The following ELFN2 variants were observed in gnomAD, a reference collection of about 807,000 sequenced individuals.
The protein encoded by ELFN2 is extracellular leucine rich repeat and fibronectin type III domain containing 2, also known as protein phosphatase 1 regulatory subunit 29.
ELFN2 carries 17 observed loss-of-function variants against 45.5 expected under a neutral mutation model. The ratio of observed to expected loss-of-function variants is 0.37; its 90% CI spans 0.26 to 0.56. ELFN2 has a LOEUF of 0.56. ELFN2 is among the 20% of genes least tolerant of loss of function. The pLI, the probability that ELFN2 is intolerant of heterozygous loss-of-function variation, is 0.77. For missense variants in ELFN2, 922 were observed against 1,183.2 expected, an observed-to-expected ratio of 0.78 and a Z score of 3.24; for synonymous variants, 550 against 551.5, an observed-to-expected ratio of 1.00 and a Z score of 0.04.
chr22:37,375,988 A>T lies in ELFN2; in HGVS notation c.-454T>A, dbSNP rs976256769. The T allele has an allele frequency of 5.2e-6, 1 of 191,168 alleles. No homozygotes were observed. The highest frequency in any genetic ancestry group is 5.9e-5 in the Admixed American group (1 of 17,090). The allele number at this position is 191,168 out of a possible 1,614,324, so 11.8% of individuals were successfully genotyped here. On this transcript the variant is annotated 5_prime_UTR_variant, in exon 3 of 3. Coordinates refer to ENST00000402918, the MANE Select transcript of ELFN2 (RefSeq NM_052906.5). ...GGCAGGAAGGAAGAGACCCATCTGC[A>T]CCTGGTTCCTGAAAGGCAGCATCGA...
chr22:37,373,013 C>T lies in ELFN2; in HGVS notation c.*59G>A. On this transcript the variant is annotated 3_prime_UTR_variant, in exon 3 of 3. Transcript: ENST00000402918. ...GCTCCCCGCCCTGGCCGCCTGGACC[C>T]TTCCCCCAAAAGGCCCCCAGCCCTC... 1 of 1,525,474 alleles carries T rather than the reference C, an allele frequency of 6.6e-7. No homozygotes were observed. Among genetic ancestry groups the T allele is most frequent in the Non-Finnish European group, 8.8e-7 (1 of 1,138,116 alleles). The allele number at this position is 1,525,474 out of a possible 1,614,324, so 94.5% of individuals were successfully genotyped here.
intron 2 of ELFN2, among the ~76,000 whole-genome samples, chr22:37,385,467 C>G (rs1396322133): frequency 6.6e-6 from 1 of 152,198 alleles, no homozygotes; most frequent in Non-Finnish European, 1.5e-5. Context: ...TTCAAAAATC[C>G]TCATTTCTGG....
intron 2 of ELFN2, among the ~76,000 whole-genome samples, chr22:37,402,086 C>A (rs1381561520): frequency 1.3e-5 from 2 of 152,224 alleles, no homozygotes; most frequent in Non-Finnish European, 2.9e-5. Flanking sequence ...ATTGCCTCAT[C>A]TATGAAGTAG....
chr22:37,381,940 AGT>A (rs1192961924), intron 2 of ELFN2, among the ~76,000 whole-genome samples: 1 of 108,222 alleles, frequency 9.2e-6, no homozygotes, highest in African/African-American at 3.7e-5. Flanking sequence ...TGGGCGACAG[AGT>A]GAGACTCCGT....
intron 1 of ELFN2, among the ~76,000 whole-genome samples, chr22:37,346,194 T>C (rs892655936): frequency 3.9e-5 from 6 of 152,224 alleles, no homozygotes; most frequent in Admixed American, 3.9e-4. Flanking sequence ...GGGTTTATAG[T>C]TGAAACTCTA....
chr22:37,394,124 AC>A (rs1252564125), intron 2 of ELFN2, among the ~76,000 whole-genome samples: 19 of 152,044 alleles, frequency 1.2e-4, no homozygotes, highest in African/African-American at 4.3e-4. Context: ...TGGGCCCCTT[AC>A]TGAAACTCTC....
intron 2 of ELFN2, among the ~76,000 whole-genome samples, chr22:37,398,553 C>A (rs1932279161): frequency 6.6e-6 from 1 of 151,930 alleles, no homozygotes; most frequent in Admixed American, 6.6e-5. Context: ...CTCAGCCCAT[C>A]CTCTGCACAG....
intron 1 of ELFN2, among the ~76,000 whole-genome samples, chr22:37,349,048 C>T (rs1430857357): frequency 1.3e-5 from 2 of 151,206 alleles, no homozygotes; most frequent in Non-Finnish European, 3.0e-5. Context: ...CAGATCGCTA[C>T]AGAGCATCTC....
At chr22:37,345,735 A>T (rs927205404) in intron 1 of ELFN2, among the ~76,000 whole-genome samples, 5 of 151,898 alleles carry the variant, frequency 3.3e-5, no homozygotes, top group African/African-American at 1.2e-4. Context: ...TTTAGTAGGG[A>T]CAGGGTTTCA....
intron 2 of ELFN2, among the ~76,000 whole-genome samples, chr22:37,391,756 C>T (rs1333088470): frequency 1.3e-5 from 2 of 152,186 alleles, no homozygotes; most frequent in East Asian, 1.9e-4. Context: ...CAGACCCTTA[C>T]ATGACAGGGA....
At chr22:37,343,999 G>A (rs1299772110) in intron 1 of ELFN2, among the ~76,000 whole-genome samples, 2 of 151,036 alleles carry the variant, frequency 1.3e-5, no homozygotes, top group Non-Finnish European at 3.0e-5. Context: ...TCGCCCACCT[G>A]CCCATGCCCC....
At position 37,343,041 on chromosome 22, in the gene ELFN2, A is replaced by G. The variant is rs73408366; in HGVS notation, n.149-338T>C. On this transcript the variant is annotated intron_variant and non_coding_transcript_variant, in intron 1 of 2. Transcript: ENST00000452946. ...GTGCCATGGGGCTCAAGTCACAGAA[A>G]CAGAAAGGAATATGGCAGATGGTCT... Among the ~76,000 whole-genome samples, 961 of 152,264 alleles carry G rather than the reference A, an allele frequency of 6.3e-3. 12 individuals are homozygous for G. The highest frequency in any genetic ancestry group is 0.022 in the African/African-American group (914 of 41,542).
intron 2 of ELFN2, among the ~76,000 whole-genome samples, chr22:37,395,325 G>A (rs960680928): frequency 2.0e-5 from 3 of 152,042 alleles, no homozygotes; most frequent in Admixed American, 6.5e-5. Flanking sequence ...ATCGAGTGCC[G>A]ACCACACGCC....
At chr22:37,391,482 C>T (rs529980369) in intron 2 of ELFN2, among the ~76,000 whole-genome samples, 1 of 152,088 alleles carries the variant, frequency 6.6e-6, no homozygotes, top group African/African-American at 2.4e-5. Flanking sequence ...TGTGCCAGGC[C>T]CCCGCACACT....
intron 1 of ELFN2, among the ~76,000 whole-genome samples, chr22:37,351,137 T>TCTCCTCC (rs1364160889): frequency 1.3e-5 from 2 of 149,196 alleles, no homozygotes; most frequent in Non-Finnish European, 3.0e-5. Context: ...GCCTGCCTCC[T>TCTCCTCC]CTCCTCCCTC....
At chr22:37,423,736 C>A (rs149847740) in intron 1 of ELFN2, among the ~76,000 whole-genome samples, 1 of 152,250 alleles carries the variant, frequency 6.6e-6, no homozygotes, top group Non-Finnish European at 1.5e-5. Flanking sequence ...GCAGCCAGCA[C>A]CCTTCCTCTG....
chr22:37,382,937 G>C (rs894978000), intron 2 of ELFN2, among the ~76,000 whole-genome samples: 1 of 152,142 alleles, frequency 6.6e-6, no homozygotes. Flanking sequence ...CTGTTCATGG[G>C]TGCCACCTTG....
At chr22:37,341,175 A>G (rs1002393544) in intron 2 of ELFN2, among the ~76,000 whole-genome samples, 1 of 152,094 alleles carries the variant, frequency 6.6e-6, no homozygotes, top group Non-Finnish European at 1.5e-5. Flanking sequence ...CTTAGTGGTG[A>G]TGTGGCAGCA....
At chr22:37,366,994 C>T (rs1010471433), downstream of ELFN2, among the ~76,000 whole-genome samples, 4 of 152,236 alleles carry the variant, frequency 2.6e-5, no homozygotes, top group African/African-American at 9.6e-5. Flanking sequence ...CCACCAGAGC[C>T]ACTAGGACAC....
Sources: gnomAD v4.1 joint callset for allele counts (sites outside exome capture counted in the v4.1 genomes callset) on GRCh38, gnomAD v4.1.1 for gene constraint, MANE v1.5 for transcripts, NCBI Gene and HGNC (gene_info 2026-07-23, HGNC 2026-07-21) for gene names.